DNAJC19: variants seen among roughly 807,000 people sequenced by gnomAD.
DNAJC19 encodes DnaJ heat shock protein family (Hsp40) member C19.
A neutral mutation model predicts 19.8 loss-of-function variants in DNAJC19; 15 were observed. The observed-to-expected ratio is 0.76, with a 90% CI of 0.51 to 1.17. DNAJC19 has a LOEUF of 1.17. Ranked by LOEUF, DNAJC19 falls within the 50% of genes most tolerant of loss-of-function variation. DNAJC19 has a pLI of 0.00. For missense variants in DNAJC19, 105 were observed against 140.9 expected (o/e 0.75, Z 1.29); for synonymous variants, 38 against 42.1 (o/e 0.90, Z 0.38).
In DNAJC19 at chr3:180,984,049, TACTATTTTTAATGCATGAA is replaced by T; in HGVS notation, c.*572_*590del. The T allele has an allele frequency of 2.2e-6, 1 of 454,024 alleles. No individual in the cohort carries two copies. Among genetic ancestry groups the T allele is most frequent in the Admixed American group, 2.3e-5 (1 of 42,558 alleles). 28.1% of individuals were successfully genotyped at this position (454,024 alleles called of 1,614,324 possible). A position where few individuals can be genotyped will look rare whatever the true frequency, so the allele number is the denominator to read the frequency against. ...GACCTGTACTCTGAAATCTTTATCA[TACTATTTTTAATGCATGAA>T]ATAAAAATGGTTTATATGTACATAG... is the stretch of plus-strand genomic sequence containing the variant. On this transcript the variant is annotated 3_prime_UTR_variant, in exon 6 of 6. Transcript: ENST00000382564.
chr3:180,988,323 A>G, intron 1 of DNAJC19, 94 bp from the exon 2 acceptor site: 1 of 1,324,498 alleles, frequency 7.6e-7, no homozygotes, highest in South Asian at 1.3e-5. Context: ...TACAAACTGC[A>G]TTTTAATAGG....
chr3:180,986,068 C>T lies in DNAJC19; in HGVS notation c.210-72G>A. ...ACATCAAAAAACTGTACATAAAGGCCAATTAAAGACACTGTGAAACTGTAG... is the reference window on the plus strand; with the variant it reads ...ACATCAAAAAACTGTACATAAAGGCTAATTAAAGACACTGTGAAACTGTAG... On this transcript the variant is annotated intron_variant, in intron 4 of 5. Transcript: ENST00000382564. The T allele has an allele frequency of 1.3e-5, 16 of 1,192,522 alleles. No homozygotes were observed. In the South Asian group the frequency reaches 2.0e-4, roughly 15 times the overall value. 73.9% of individuals were successfully genotyped at this position (1,192,522 alleles called of 1,614,324 possible). A position where few individuals can be genotyped will look rare whatever the true frequency, so the allele number is the denominator to read the frequency against.
chr3:180,989,760 C>T (rs1287610385), upstream of DNAJC19: 7 of 1,238,926 alleles, frequency 5.7e-6, no homozygotes, highest in African/African-American at 1.5e-5. Context: ...GCAAACTAGG[C>T]CGGAAAACTG....
intron 1 of DNAJC19, 23 bp downstream of exon 1, chr3:180,989,577 G>A (rs1224251629): frequency 2.5e-6 from 4 of 1,576,422 alleles, no homozygotes; most frequent in Non-Finnish European, 3.4e-6. Flanking sequence ...AGGTCGCCAA[G>A]AAGACCGGAA....
At chr3:180,989,564 C>G (rs766521833) in intron 1 of DNAJC19, 36 bp downstream of exon 1, 6 of 1,568,858 alleles carry the variant, frequency 3.8e-6, no homozygotes, top group Non-Finnish European at 5.2e-6. Context: ...AGGCCTGGGC[C>G]GGAGGTCGCC....
intron 3 of DNAJC19, chr3:180,987,518 T>G: frequency 3.9e-6 from 1 of 253,758 alleles, no homozygotes; most frequent in Non-Finnish European, 7.7e-6. Context: ...CTGTTACACT[T>G]AATCACAACA....
chr3:180,987,822 T>C (rs1462973044), intron 3 of DNAJC19: 3 of 646,074 alleles, frequency 4.6e-6, no homozygotes, highest in African/African-American at 3.7e-5. Flanking sequence ...CAAAACCCCA[T>C]CCAACTCTGT....
intron 3 of DNAJC19, 68 bp from the exon 4 acceptor site, chr3:180,987,090 AAATATTCACAG>A (rs1306382023): frequency 2.7e-5 from 37 of 1,376,666 alleles, no homozygotes; most frequent in Non-Finnish European, 3.1e-6. Flanking sequence ...AGACGTCTGG[AAATATTCACAG>A]AACTAAGAAA....
intron 4 of DNAJC19, chr3:180,986,614 G>A: frequency 4.1e-6 from 1 of 241,338 alleles, no homozygotes; most frequent in Non-Finnish European, 8.1e-6. Flanking sequence ...AAAAATGTCA[G>A]TTACAGAGAA....
At chr3:180,987,970 A>G (rs575038482) in intron 3 of DNAJC19, 53 bp downstream of exon 3, 7 of 1,596,910 alleles carry the variant, frequency 4.4e-6, no homozygotes, top group Non-Finnish European at 6.0e-6. Context: ...ACCCTTCCCT[A>G]AGTGTGGCTC....
At chr3:180,989,519 C>A in intron 1 of DNAJC19, 81 bp downstream of exon 1, 2 of 1,552,420 alleles carry the variant, frequency 1.3e-6, no homozygotes, top group South Asian at 1.2e-5. Context: ...AGCACAACTT[C>A]AACTCCACAC....
At chr3:180,986,096 A>G in intron 4 of DNAJC19, 100 bp from the exon 5 acceptor site, 2 of 929,800 alleles carry the variant, frequency 2.2e-6, no homozygotes, top group Admixed American at 3.8e-5. Context: ...AACTGTAGTA[A>G]ATTAACACAA....
Position 180,986,935 on chromosome 3 carries a change from T to A in DNAJC19, c.209+8A>T, listed in dbSNP as rs763596412. 1.9e-6 allele frequency: 3 copies of A among 1,610,924 alleles called. No homozygotes were observed. Among genetic ancestry groups the A allele is most frequent in the Non-Finnish European group, 2.5e-6 (3 of 1,177,402 alleles). The stretch of plus-strand genomic sequence containing the variant: ...GAAAAATGCTAAAAATATTAGAGAT[T>A]ATTTTACCTTACACCTAGTATTAAT... On this transcript the variant is annotated splice_region_variant and intron_variant, in intron 4 of 5. Transcript: ENST00000382564.
rs746819742 is a variant in DNAJC19 at position 180,989,706 on chromosome 3, CA to C, written c.-105del. 9.8e-6 allele frequency: 15 copies of C among 1,537,354 alleles called. 1 individual carries two copies. In the South Asian group the frequency reaches 1.8e-4, roughly 18 times the overall value. On this transcript the variant is annotated 5_prime_UTR_variant, in exon 1 of 6. Coordinates refer to ENST00000382564, the MANE Select transcript of DNAJC19 (RefSeq NM_145261.4). ...CTTTACCAGAGAGCGACGCAACCCC[CA>C]ACCTCAAGCACAGGCGCCCTACGCA...
chr3:180,984,807 G>T, intron 5 of DNAJC19, 97 bp from the exon 6 acceptor site: 1 of 830,604 alleles, frequency 1.2e-6, no homozygotes. Flanking sequence ...ATGCTTATCT[G>T]AGGGAGATTT....
Position 180,987,844 on chromosome 3 carries a change from T to C in DNAJC19, c.129+179A>G, listed in dbSNP as rs572134250. ...CCATCCAACTCTGTCACATATAACA[T>C]CTGATGTTTCAGGGTAGCACCATCA... is the stretch of plus-strand genomic sequence containing the variant. On this transcript the variant is annotated intron_variant, in intron 3 of 5. Coordinates refer to ENST00000382564, the MANE Select transcript of DNAJC19 (RefSeq NM_145261.4). 127 of 721,544 alleles carry C rather than the reference T, an allele frequency of 1.8e-4. 1 individual carries two copies. In the South Asian group the frequency reaches 2.1e-3, roughly 12 times the overall value. The allele number at this position is 721,544 out of a possible 1,614,324, so 44.7% of individuals were successfully genotyped here.
Position 180,989,715 on chromosome 3 carries a change from G to C in DNAJC19, c.-113C>G. ...AGAGCGACGCAACCCCCAACCTCAA[G>C]CACAGGCGCCCTACGCAACACGGCA... On this transcript the variant is annotated 5_prime_UTR_variant, in exon 1 of 6. Transcript: ENST00000382564. The C allele has an allele frequency of 1.3e-6, 2 of 1,524,540 alleles. No homozygotes were observed. Among genetic ancestry groups the C allele is most frequent in the East Asian group, 2.4e-5 (1 of 40,864 alleles). 94.4% of individuals were successfully genotyped at this position (1,524,540 alleles called of 1,614,324 possible). A position where few individuals can be genotyped will look rare whatever the true frequency, so the allele number is the denominator to read the frequency against.
Position 180,989,714 on chromosome 3 carries a change from AGCACAG to A in DNAJC19, c.-118_-113del. The A allele has an allele frequency of 6.6e-7, 1 of 1,525,972 alleles. No homozygotes were observed. Among genetic ancestry groups the A allele is most frequent in the South Asian group, 1.2e-5 (1 of 83,714 alleles). 94.5% of individuals were successfully genotyped at this position (1,525,972 alleles called of 1,614,324 possible). On this transcript the variant is annotated 5_prime_UTR_variant, in exon 1 of 6. Transcript: ENST00000382564. ...GAGAGCGACGCAACCCCCAACCTCA[AGCACAG>A]GCGCCCTACGCAACACGGCAGGAGC...
chr3:180,987,088 G>C, intron 3 of DNAJC19, 66 bp from the exon 4 acceptor site: 1 of 1,406,132 alleles, frequency 7.1e-7, no homozygotes, highest in South Asian at 1.2e-5. Flanking sequence ...AAAGACGTCT[G>C]GAAATATTCA....
Sources: allele counts gnomAD v4.1 joint callset, GRCh38; gene constraint gnomAD v4.1.1; transcripts MANE v1.5; gene names NCBI Gene and HGNC (gene_info 2026-07-23, HGNC 2026-07-21).